Variants in AK7 observed in about 807,000 individuals in gnomAD.
AK7 encodes the protein adenylate kinase 7, also known as ATP-AMP transphosphorylase 7.
A neutral mutation model predicts 96.6 loss-of-function variants in AK7; 78 were observed. That is an observed-to-expected ratio of 0.81 (90% CI 0.67 to 0.97). The LOEUF (loss-of-function observed/expected upper bound fraction) is 0.97, where lower values mean the gene tolerates loss of function less well. Ranked by LOEUF, AK7 falls within the 50% of genes least tolerant of loss-of-function variation. AK7 has a pLI of 0.00. For missense variants in AK7, 855 were observed against 887.9 expected, an observed-to-expected ratio of 0.96 and a Z score of 0.47; for synonymous variants, 302 against 317.2, an observed-to-expected ratio of 0.95 and a Z score of 0.51.
In AK7 at chr14:96,398,181, TGAAGGAAG is replaced by T; in HGVS notation, c.214_221del (p.Lys72HisfsTer12). ...ATGCTGGAAGCTTCCTCAACCAAAG[TGAAGGAAG>T]GCACATTCCAGATTGTGGGCACGCT... On this transcript the variant is annotated frameshift_variant, in exon 2 of 18. Transcript: ENST00000267584. LOFTEE classifies it high-confidence loss of function. 1.2e-6 allele frequency: 2 copies of T among 1,614,108 alleles called. No individual in the cohort carries two copies. The highest frequency in any genetic ancestry group is 1.7e-6 in the Non-Finnish European group (2 of 1,180,034).
intron 14 of AK7, among the ~76,000 whole-genome samples, chr14:96,476,363 G>T (rs1297387636): frequency 6.6e-6 from 1 of 152,038 alleles, no homozygotes. Flanking sequence ...AAATTAGCCA[G>T]GCACGGTGGT....
At chr14:96,436,241 C>T (rs1892628488) in intron 5 of AK7, among the ~76,000 whole-genome samples, 1 of 152,140 alleles carries the variant, frequency 6.6e-6, no homozygotes, top group South Asian at 2.1e-4. Context: ...GTCTGTCTTA[C>T]AATTTTTAAA....
intron 12 of AK7, among the ~76,000 whole-genome samples, chr14:96,468,915 G>A (rs909691262): frequency 8.6e-5 from 13 of 151,928 alleles, no homozygotes; most frequent in African/African-American, 2.9e-4. Flanking sequence ...AACAGAAAGC[G>A]CAGTTGCCTG....
chr14:96,455,868 T>G (rs936758678), intron 10 of AK7, among the ~76,000 whole-genome samples: 1 of 151,768 alleles, frequency 6.6e-6, no homozygotes, highest in African/African-American at 2.4e-5. Context: ...GTGGTGGTGG[T>G]GGGGGTAGAG....
chr14:96,458,345 C>G, intron 12 of AK7, 133 bp downstream of exon 12: 1 of 1,220,310 alleles, frequency 8.2e-7, no homozygotes, highest in Non-Finnish European at 1.1e-6. Context: ...CCTGTAATCC[C>G]AGCACTTTGG....
chr14:96,483,178 G>A lies in AK7; in HGVS notation c.1933G>A (p.Ala645Thr). Reference sequence around the variant, plus strand: ...GGAAGCAGAACGCGAGCACCAGGAGGCCGTGGAGATGGCAGAGAAGATAGC... The same window carrying A: ...GGAAGCAGAACGCGAGCACCAGGAGACCGTGGAGATGGCAGAGAAGATAGC... ...AEEAEREHQE[A>T]VEMAEKIARW... Residue 645 changes from alanine to threonine, a missense_variant, in exon 16 of 18, where the codon GCC becomes ACC. Ala to Thr is a moderately conservative substitution (Grantham distance 58, BLOSUM62 0). Coordinates refer to ENST00000267584, the MANE Select transcript of AK7 (RefSeq NM_152327.5). 1 of 1,612,350 alleles carries A rather than the reference G, an allele frequency of 6.2e-7. No individual in the cohort carries two copies. The highest frequency in any genetic ancestry group is 1.7e-5 in the Admixed American group (1 of 59,632).
chr14:96,398,786 C>T (rs1021730947), intron 2 of AK7: 3 of 162,156 alleles, frequency 1.9e-5, no homozygotes, highest in African/African-American at 7.2e-5. Context: ...TAATATACCA[C>T]TGCTGTCTCC....
At chr14:96,459,269 T>TG (rs1296403907) in intron 12 of AK7, among the ~76,000 whole-genome samples, 1 of 149,332 alleles carries the variant, frequency 6.7e-6, no homozygotes, top group Non-Finnish European at 1.5e-5. Context: ...ACCCGGGAGG[T>TG]GGAGGCTGCA....
intron 4 of AK7, among the ~76,000 whole-genome samples, chr14:96,416,060 C>T (rs1412014754): frequency 1.3e-5 from 2 of 152,020 alleles, no homozygotes; most frequent in East Asian, 3.9e-4. Flanking sequence ...AAATGATCCA[C>T]GTGGGCAACC....
chr14:96,453,241 C>T (rs1029040729), intron 10 of AK7, among the ~76,000 whole-genome samples: 10 of 152,274 alleles, frequency 6.6e-5, no homozygotes, highest in African/African-American at 2.4e-4. Context: ...TATACACCAA[C>T]CCAACCTCAG....
At chr14:96,450,233 C>A (rs8017080) in intron 9 of AK7, among the ~76,000 whole-genome samples, 131,695 of 151,926 alleles carry the variant, frequency 0.87, 57,425 homozygotes, top group African/African-American at 0.97. Context: ...CGTGACCAAC[C>A]GGGTGAAACC....
chr14:96,411,092 C>G (rs965671638), intron 4 of AK7, among the ~76,000 whole-genome samples: 1 of 152,156 alleles, frequency 6.6e-6, no homozygotes, highest in Non-Finnish European at 1.5e-5. Context: ...GTACAACCAC[C>G]ACAACAATTA....
intron 1 of AK7, among the ~76,000 whole-genome samples, chr14:96,395,879 T>G (rs1166135470): frequency 6.9e-6 from 1 of 144,262 alleles, no homozygotes; most frequent in Admixed American, 7.0e-5. Context: ...TAGCATGATC[T>G]TGGCTCACTG....
intron 4 of AK7, among the ~76,000 whole-genome samples, chr14:96,415,681 C>A (rs1437103880): frequency 6.6e-6 from 1 of 150,756 alleles, no homozygotes; most frequent in Non-Finnish European, 1.5e-5. Flanking sequence ...GCACAAAAAT[C>A]AGTTTTGTTA....
chr14:96,469,878 T>C (rs1894788528), intron 12 of AK7, among the ~76,000 whole-genome samples: 1 of 152,098 alleles, frequency 6.6e-6, no homozygotes, highest in Non-Finnish European at 1.5e-5. Flanking sequence ...AGTGCAATGG[T>C]GCGATCTTGG....
chr14:96,415,748 T>C, intron 4 of AK7, among the ~76,000 whole-genome samples: 1 of 133,964 alleles, frequency 7.5e-6, no homozygotes, highest in South Asian at 2.4e-4. Context: ...TTAATTAAAT[T>C]AATTAATTTA....
chr14:96,486,961 C>T lies in AK7; in HGVS notation c.2038C>T (p.Leu680=). 1 of 1,613,996 alleles carries T rather than the reference C, an allele frequency of 6.2e-7. No homozygotes were observed. The highest frequency in any genetic ancestry group is 8.5e-7 in the Non-Finnish European group (1 of 1,179,934). ...RELLEAQSIP[L]RNYLMTYVMP... ...ATTACTGGAGGCTCAGTCAATTCCC[C>T]TGAGAAACTATTTAATGACCTATGT... Residue 680 remains leucine, a synonymous_variant, in exon 17 of 18, where the codon CTG becomes TTG. Transcript: ENST00000267584.
At position 96,408,908 on chromosome 14, in the gene AK7, G is replaced by T; in HGVS notation, c.465G>T (p.Val155=). The change falls in exon 4 of 18, where the codon GTG becomes GTT. Residue 155 remains valine, a synonymous_variant. Coordinates refer to ENST00000267584, the MANE Select transcript of AK7 (RefSeq NM_152327.5). ...AGCTATTTATTTTACTGTCGACGGT[G>T]ATGACTTGGGCGCGCTCCAAAGCCC... ...KRKLFILLST[V]MTWARSKALD... 6.2e-7 allele frequency: 1 copy of T among 1,614,236 alleles called. No individual in the cohort carries two copies. The highest frequency in any genetic ancestry group is 8.5e-7 in the Non-Finnish European group (1 of 1,180,034).
chr14:96,479,385 CT>C (rs59937453), intron 15 of AK7, among the ~76,000 whole-genome samples: 496 of 140,566 alleles, frequency 3.5e-3, no homozygotes, highest in Middle Eastern at 3.8e-3. Flanking sequence ...CCGACAAACT[CT>C]TTTTTTTTTT....
Sources: allele counts gnomAD v4.1 joint callset (sites outside exome capture counted in the v4.1 genomes callset), GRCh38; gene constraint gnomAD v4.1.1; transcripts MANE v1.5; gene names NCBI Gene and HGNC (gene_info 2026-07-23, HGNC 2026-07-21).